The following SLC38A7 variants were observed in gnomAD, a reference collection of about 807,000 sequenced individuals.
The protein encoded by SLC38A7 is solute carrier family 38 member 7, also known as sodium-coupled neutral amino acid transporter 7.
A neutral mutation model predicts 50.1 loss-of-function variants in SLC38A7; 29 were observed. The ratio of observed to expected loss-of-function variants is 0.58; its 90% confidence interval spans 0.43 to 0.79. The LOEUF is 0.79. SLC38A7 is among the 30% of genes least tolerant of loss of function. The pLI, the probability that SLC38A7 is intolerant of heterozygous loss-of-function variation, is 0.00. For missense variants in SLC38A7, 483 were observed against 610.6 expected, an observed-to-expected ratio of 0.79 and a Z score of 2.20; for synonymous variants, 244 against 245.9, an observed-to-expected ratio of 0.99 and a Z score of 0.07.
At chr16:58,671,784 G>GCCGTATCATTAAAAAAA in intron 9 of SLC38A7, 1 of 246,094 alleles carries the variant, frequency 4.1e-6, no homozygotes, top group Non-Finnish European at 7.9e-6. Flanking sequence ...TGCCCAGGTG[G>GCCGTATCATTAAAAAAA]TCTTGAACTC....
At chr16:58,668,627 G>A (rs1354957532) in intron 11 of SLC38A7, among the ~76,000 whole-genome samples, 11 of 140,556 alleles carry the variant, frequency 7.8e-5, no homozygotes, top group African/African-American at 1.9e-4. Flanking sequence ...CAGGAGAATC[G>A]CTTGAACCCG....
chr16:58,670,511 G>T (rs2044138418), intron 10 of SLC38A7, among the ~76,000 whole-genome samples: 1 of 152,224 alleles, frequency 6.6e-6, no homozygotes, highest in African/African-American at 2.4e-5. Flanking sequence ...GGGCTTTCAG[G>T]GTGGCTTCCT....
In SLC38A7 at chr16:58,665,278, C is replaced by CT. The variant is rs1259464801; in HGVS notation, c.*2106dup. On this transcript the variant is annotated 3_prime_UTR_variant, in exon 12 of 12. Transcript: ENST00000219320. ...GCTCCTTCTCCTGACTGGTCTGTCT[C>CT]TGTGCAATGACTCCACTTACATCCC... is the stretch of plus-strand genomic sequence containing the variant. 6.6e-6 allele frequency: 1 copy of CT among 152,400 alleles called. No homozygotes were observed. Among genetic ancestry groups the CT allele is most frequent in the Non-Finnish European group, 1.5e-5 (1 of 68,222 alleles). 9.4% of individuals were successfully genotyped at this position (152,400 alleles called of 1,614,324 possible). A position where few individuals can be genotyped will look rare whatever the true frequency, so the allele number is the denominator to read the frequency against.
At chr16:58,682,432 C>T (rs924933473) in intron 2 of SLC38A7, among the ~76,000 whole-genome samples, 5 of 152,004 alleles carry the variant, frequency 3.3e-5, no homozygotes, top group African/African-American at 9.7e-5. Context: ...ATACAAAACT[C>T]CATTTTAATC....
At chr16:58,670,276 A>G (rs943934305) in intron 10 of SLC38A7, 109 bp from the exon 11 acceptor site, 7 of 1,031,388 alleles carry the variant, frequency 6.8e-6, no homozygotes, top group Non-Finnish European at 1.0e-5. Context: ...GCCCATGTTT[A>G]CTCTTCTAGA....
At chr16:58,684,605 A>T (rs2044453345) in intron 1 of SLC38A7, 112 bp downstream of exon 1, 1 of 152,466 alleles carries the variant, frequency 6.6e-6, no homozygotes, top group African/African-American at 2.4e-5. Flanking sequence ...CAGGATCTGG[A>T]CCCCTGCAGG....
At position 58,677,418 on chromosome 16, in the gene SLC38A7, C is replaced by T. The variant is rs749620109; in HGVS notation, c.618G>A (p.Leu206=). The T allele has an allele frequency of 1.2e-6, 2 of 1,614,100 alleles. No individual in the cohort carries two copies. The highest frequency in any genetic ancestry group is 1.7e-6 in the Non-Finnish European group (2 of 1,179,976). The change falls in exon 6 of 12, where the codon CTG becomes CTA. Residue 206 remains leucine, a synonymous_variant. Coordinates refer to ENST00000219320, the MANE Select transcript of SLC38A7 (RefSeq NM_018231.3). ...EIGFQKYASF[L]SVVGTWYVTA... ...TGACGTACCAGGTACCCACGACGCT[C>T]AGGAAGCTGCCGGGAAGGAGAGACT...
At chr16:58,676,855 C>G (rs1049007618) in intron 6 of SLC38A7, among the ~76,000 whole-genome samples, 5 of 152,012 alleles carry the variant, frequency 3.3e-5, no homozygotes, top group African/African-American at 4.8e-5. Flanking sequence ...GGGGTTTCAC[C>G]GTGTTAGCCA....
At chr16:58,670,630 G>T (rs1370212820) in intron 10 of SLC38A7, among the ~76,000 whole-genome samples, 1 of 152,236 alleles carries the variant, frequency 6.6e-6, no homozygotes, top group Non-Finnish European at 1.5e-5. Context: ...CCTGATGTCT[G>T]TGTCAGGGTG....
At chr16:58,682,232 G>A (rs1345950680) in intron 2 of SLC38A7, among the ~76,000 whole-genome samples, 1 of 152,084 alleles carries the variant, frequency 6.6e-6, no homozygotes, top group African/African-American at 2.4e-5. Context: ...AGAGGCCCTG[G>A]GATAGCTAAT....
chr16:58,676,035 G>A lies in SLC38A7; in HGVS notation c.788C>T (p.Pro263Leu), dbSNP rs1567472483. The A allele has an allele frequency of 6.2e-7, 1 of 1,613,276 alleles. No homozygotes were observed. Among genetic ancestry groups the A allele is most frequent in the Admixed American group, 1.7e-5 (1 of 59,906 alleles). ...FGFQCHVSSV[P>L]VFNSMQQPEV... ...AGGCTGCTGCATGCTGTTGAAGACG[G>A]GCACACTGCTGACGTGGCACTGTCC... is the stretch of plus-strand genomic sequence containing the variant. The change falls in exon 8 of 12, where the codon CCC (proline) becomes CTC (leucine). Residue 263 changes from proline (P) to leucine (L), a missense_variant. By Grantham distance (98) the Pro-to-Leu change is moderately conservative. Transcript: ENST00000219320.
In SLC38A7 at chr16:58,671,034, G is replaced by C. The variant is rs2044148778; in HGVS notation, c.1231+11C>G. 1.9e-6 allele frequency: 3 copies of C among 1,576,516 alleles called. No individual in the cohort carries two copies. The highest frequency in any genetic ancestry group is 2.3e-5 in the South Asian group (2 of 86,412). On this transcript the variant is annotated intron_variant, in intron 10 of 11. Coordinates refer to ENST00000219320, the MANE Select transcript of SLC38A7 (RefSeq NM_018231.3). ...TGTGGGGCTGTGAGATGGGGCGCCA[G>C]GGGTCCGCACCTGGGAAGACGAAGA...
chr16:58,667,558 ACT>A lies in SLC38A7; in HGVS notation c.1287-73_1287-72del, dbSNP rs1029714667. On this transcript the variant is annotated intron_variant, in intron 11 of 11. Transcript: ENST00000219320. The stretch of plus-strand genomic sequence containing the variant: ...ATGACTGCAGACTTCAATATATATA[ACT>A]GTTAATTACTGTAATTATCGCACTT... The A allele has an allele frequency of 3.4e-5, 38 of 1,107,496 alleles. No homozygotes were observed. In the Admixed American group the frequency reaches 9.6e-4, roughly 28 times the overall value. The allele number at this position is 1,107,496 out of a possible 1,614,324, so 68.6% of individuals were successfully genotyped here.
intron 2 of SLC38A7, among the ~76,000 whole-genome samples, chr16:58,682,245 G>A (rs770144758): frequency 6.6e-6 from 1 of 152,158 alleles, no homozygotes; most frequent in Non-Finnish European, 1.5e-5. Flanking sequence ...TAGCTAATGG[G>A]AGAAAGAGCA....
At chr16:58,673,135 T>A (rs535096429) in intron 8 of SLC38A7, among the ~76,000 whole-genome samples, 1 of 127,370 alleles carries the variant, frequency 7.9e-6, no homozygotes, top group East Asian at 2.6e-4. Flanking sequence ...CGCTCTGTCA[T>A]GCCCAGGCTG....
intron 8 of SLC38A7, among the ~76,000 whole-genome samples, chr16:58,673,129 CT>C (rs2044190638): frequency 8.8e-6 from 1 of 113,740 alleles, no homozygotes; most frequent in African/African-American, 3.6e-5. Context: ...GAGTCGCGCT[CT>C]GTCATGCCCA....
At chr16:58,667,623 T>C in intron 11 of SLC38A7, 136 bp from the exon 12 acceptor site, 1 of 645,808 alleles carries the variant, frequency 1.5e-6, no homozygotes. Context: ...CCCAAAGACT[T>C]CAATACAAAG....
Position 58,678,958 on chromosome 16 carries a change from C to A in SLC38A7, c.271-64G>T, listed in dbSNP as rs1309025775. 1.5e-5 allele frequency: 23 copies of A among 1,537,010 alleles called. No homozygotes were observed. The highest frequency in any genetic ancestry group is 1.9e-5 in the Non-Finnish European group (22 of 1,130,222). On this transcript the variant is annotated intron_variant, in intron 3 of 11. Transcript: ENST00000219320. This position sits in a 1 kb window ranked among gnomAD's most constrained non-coding sequence, Gnocchi z 4.0. ...CTGGCAGCAGAGGGCACCCTGGGCT[C>A]GCCTAGCATTTACTGGGCCAGTGCC...
At chr16:58,676,267 A>T in intron 7 of SLC38A7, 22 bp downstream of exon 7, 1 of 1,614,088 alleles carries the variant, frequency 6.2e-7, no homozygotes, top group Non-Finnish European at 8.5e-7. Context: ...GACAGCAGGG[A>T]CCTTGCAACT....
Sources: allele counts gnomAD v4.1 joint callset (sites outside exome capture counted in the v4.1 genomes callset), GRCh38; gene constraint gnomAD v4.1.1; non-coding constraint Gnocchi (gnomAD v3.1); transcripts MANE v1.5; gene names NCBI Gene and HGNC (gene_info 2026-07-23, HGNC 2026-07-21).